The following MACC1 variants were observed in gnomAD, a reference collection of about 807,000 sequenced individuals.
MACC1 encodes MET transcriptional regulator MACC1.
In MACC1, 79 loss-of-function variants were observed where a neutral mutation model predicts 70.7. The observed-to-expected ratio is 1.12, with a 90% CI of 0.93 to 1.35. MACC1 has a LOEUF of 1.35. MACC1 is among the 40% of genes most tolerant of loss of function. The pLI, the probability that MACC1 is intolerant of heterozygous loss-of-function variation, is 0.00. For missense variants in MACC1, 1,106 were observed against 978.1 expected (o/e 1.13, Z -1.74); for synonymous variants, 361 against 347.2 (o/e 1.04, Z -0.44).
At chr7:20,168,943 T>A (rs1308658888) in intron 2 of MACC1, among the ~76,000 whole-genome samples, 1 of 152,178 alleles carries the variant, frequency 6.6e-6, no homozygotes. Flanking sequence ...AAAATTGAGA[T>A]GAGTAAATTT....
chr7:20,213,546 T>G (rs1193848725), intron 1 of MACC1, among the ~76,000 whole-genome samples: 1 of 152,182 alleles, frequency 6.6e-6, no homozygotes, highest in Non-Finnish European at 1.5e-5. Context: ...AATGATGGAC[T>G]GGATAAAGAA....
At chr7:20,168,309 A>G (rs1289914954) in intron 2 of MACC1, among the ~76,000 whole-genome samples, 2 of 152,238 alleles carry the variant, frequency 1.3e-5, no homozygotes, top group East Asian at 3.8e-4. Context: ...AATAAGGGTG[A>G]CATTTGCAGG....
Position 20,159,856 on chromosome 7 carries a change from C to T in MACC1, c.505G>A (p.Glu169Lys). The T allele has an allele frequency of 6.2e-7, 1 of 1,614,134 alleles. No individual in the cohort carries two copies. The highest frequency in any genetic ancestry group is 8.5e-7 in the Non-Finnish European group (1 of 1,180,032). ...GCCTCCCGATCATTTTTAAGCCACT[C>T]TAAGTCGTGTAGTAGGATCTGGTCA... is the stretch of plus-strand genomic sequence containing the variant. The part of the protein sequence containing the change: ...NSDQILLHDL[E>K]WLKNDREAYK... Residue 169 changes from glutamate to lysine, a missense_variant, in exon 5 of 7, where the codon GAG (glutamate) becomes AAG (lysine). Transcript: ENST00000400331.
intron 2 of MACC1, among the ~76,000 whole-genome samples, chr7:20,166,616 C>T (rs1256174878): frequency 1.3e-5 from 2 of 152,192 alleles, no homozygotes; most frequent in Non-Finnish European, 2.9e-5. Context: ...CAAATGTCAG[C>T]AGTTACTTTT....
intron 1 of MACC1, among the ~76,000 whole-genome samples, chr7:20,179,998 T>A (rs1782476360): frequency 6.6e-6 from 1 of 152,182 alleles, no homozygotes; most frequent in Admixed American, 6.5e-5. Context: ...TTTATTGATA[T>A]TTTTAGGAGA....
At position 20,159,805 on chromosome 7, in the gene MACC1, G is replaced by A. The variant is rs769884185; in HGVS notation, c.556C>T (p.Arg186Cys). ...TCAAGGCAGGAGCGGGCCAGCTGGC[G>A]TTGACTTAACCAAGCCATTTTATAA... ...EAYKMAWLSQ[R>C]QLARSCLDLN... Residue 186 changes from arginine (R) to cysteine (C), a missense_variant, in exon 5 of 7, where the codon CGC becomes TGC. Coordinates refer to ENST00000400331, the MANE Select transcript of MACC1 (RefSeq NM_182762.4). 42 of 1,613,978 alleles carry A rather than the reference G, an allele frequency of 2.6e-5. No individual in the cohort carries two copies. The highest frequency in any genetic ancestry group is 1.3e-4 in the East Asian group (6 of 44,890).
intron 1 of MACC1, among the ~76,000 whole-genome samples, chr7:20,205,866 T>G (rs1782904060): frequency 6.6e-6 from 1 of 152,118 alleles, no homozygotes; most frequent in Admixed American, 6.6e-5. Flanking sequence ...CGTCTCCATG[T>G]GAACACTGTT....
intron 1 of MACC1, among the ~76,000 whole-genome samples, chr7:20,186,514 G>A (rs948156569): frequency 2.6e-5 from 4 of 151,678 alleles, no homozygotes; most frequent in East Asian, 3.9e-4. Context: ...ATAAATAAAC[G>A]ACAGCCAAAC....
At chr7:20,145,977 A>T (rs1186589042) in intron 6 of MACC1, among the ~76,000 whole-genome samples, 3 of 152,012 alleles carry the variant, frequency 2.0e-5, no homozygotes, top group African/African-American at 7.2e-5. Context: ...CCTGGCCATT[A>T]TGGTGAAGCC....
chr7:20,138,737 A>AACTT lies in MACC1; in HGVS notation c.*2208_*2209insAAGT. Reference sequence around the variant, plus strand: ...ACCCAGGCTGGAGTGCAGTGGCATGAACTCGGCTCACTGCAAGCTCCGCCT... The same window carrying AACTT: ...ACCCAGGCTGGAGTGCAGTGGCATGAACTTACTCGGCTCACTGCAAGCTCCGCCT... On this transcript the variant is annotated 3_prime_UTR_variant, in exon 7 of 7. Transcript: ENST00000400331. The AACTT allele has an allele frequency of 6.6e-6, 1 of 151,644 alleles. No individual in the cohort carries two copies. The highest frequency in any genetic ancestry group is 2.4e-5 in the African/African-American group (1 of 41,288). 9.4% of individuals were successfully genotyped at this position (151,644 alleles called of 1,614,324 possible). A position where few individuals can be genotyped will look rare whatever the true frequency, so the allele number is the denominator to read the frequency against.
rs1781772677 is a variant in MACC1, at chr7:20,139,921, T to C, written c.*1025A>G. The C allele has an allele frequency of 6.6e-6, 1 of 152,044 alleles. No individual in the cohort carries two copies. Among genetic ancestry groups the C allele is most frequent in the South Asian group, 2.1e-4 (1 of 4,804 alleles). The allele number at this position is 152,044 out of a possible 1,614,324, so 9.4% of individuals were successfully genotyped here. A position where few individuals can be genotyped will look rare whatever the true frequency, so the allele number is the denominator to read the frequency against. ...CAGTGTTTTCGGTGGTTAAGACCTC[T>C]CTACTCAACAGGGTAATCAAGTTAA... On this transcript the variant is annotated 3_prime_UTR_variant, in exon 7 of 7. Transcript: ENST00000400331.
At chr7:20,162,143 G>A (rs1382672012) in intron 3 of MACC1, among the ~76,000 whole-genome samples, 1 of 151,812 alleles carries the variant, frequency 6.6e-6, no homozygotes, top group Non-Finnish European at 1.5e-5. Context: ...AGAATTCCAA[G>A]GACAACAACA....
intron 1 of MACC1, among the ~76,000 whole-genome samples, chr7:20,177,000 A>C (rs761763291): frequency 2.6e-5 from 4 of 151,718 alleles, no homozygotes; most frequent in Non-Finnish European, 5.9e-5. Context: ...TCTTAATAGC[A>C]CTGGCAGTTA....
chr7:20,154,075 T>C, intron 6 of MACC1, 118 bp downstream of exon 6: 7 of 985,620 alleles, frequency 7.1e-6, no homozygotes, highest in Non-Finnish European at 1.1e-5. Context: ...GTGATTCAGT[T>C]AGTGGATCAT....
chr7:20,200,265 GATTTAAA>G (rs1477113871), intron 1 of MACC1, among the ~76,000 whole-genome samples: 3 of 151,740 alleles, frequency 2.0e-5, no homozygotes, highest in Non-Finnish European at 2.9e-5. Flanking sequence ...AGATTTAAAA[GATTTAAA>G]AGATTACTAG....
At chr7:20,172,239 C>A (rs1040888718) in intron 1 of MACC1, among the ~76,000 whole-genome samples, 2 of 152,184 alleles carry the variant, frequency 1.3e-5, no homozygotes, top group Non-Finnish European at 2.9e-5. Context: ...GGGTTACAAG[C>A]AGGGTGAGCT....
At chr7:20,187,703 A>G (rs566110841) in intron 1 of MACC1, among the ~76,000 whole-genome samples, 4 of 152,330 alleles carry the variant, frequency 2.6e-5, no homozygotes, top group South Asian at 4.1e-4. Context: ...CTTGCTTTCA[A>G]TTTGGGGTTG....
intron 1 of MACC1, among the ~76,000 whole-genome samples, chr7:20,178,479 C>T (rs903540729): frequency 1.3e-5 from 2 of 152,174 alleles, no homozygotes; most frequent in Non-Finnish European, 2.9e-5. Context: ...ACAGCTTCAA[C>T]AGTCTGGTTG....
chr7:20,154,113 A>T, intron 6 of MACC1, 80 bp downstream of exon 6: 1 of 1,438,716 alleles, frequency 7.0e-7, no homozygotes, highest in Non-Finnish European at 9.7e-7. Flanking sequence ...TGAATCCGTG[A>T]ATGTGGTATG....
Sources: allele counts gnomAD v4.1 joint callset (sites outside exome capture counted in the v4.1 genomes callset), GRCh38; gene constraint gnomAD v4.1.1; transcripts MANE v1.5; gene names NCBI Gene and HGNC (gene_info 2026-07-23, HGNC 2026-07-21).